Variants in ZCCHC4 observed in about 807,000 individuals in gnomAD.
ZCCHC4 encodes zinc finger CCHC-type containing 4.
ZCCHC4 carries 54 observed loss-of-function variants against 67.7 expected under a neutral mutation model. That is an observed-to-expected ratio of 0.80 (90% CI 0.64 to 1.00). The LOEUF is 1.00. ZCCHC4 is among the 50% of genes least tolerant of loss of function. The pLI is 0.00. For missense variants in ZCCHC4, 609 were observed against 617.0 expected (o/e 0.99, Z 0.14); for synonymous variants, 198 against 213.5 (o/e 0.93, Z 0.63).
intron 8 of ZCCHC4, among the ~76,000 whole-genome samples, chr4:25,356,192 T>G (rs1034229192): frequency 6.6e-6 from 1 of 152,150 alleles, no homozygotes; most frequent in Non-Finnish European, 1.5e-5. Context: ...ATGGGAGAAA[T>G]TTTCTATTTG....
At chr4:25,322,812 C>G (rs1560399025) in intron 3 of ZCCHC4, among the ~76,000 whole-genome samples, 1 of 152,182 alleles carries the variant, frequency 6.6e-6, no homozygotes, top group Non-Finnish European at 1.5e-5. Context: ...ACCGCTGCAC[C>G]TGGCCTGAAT....
rs527783826 is a variant in ZCCHC4, at chr4:25,337,618, A to G, written c.686+3630A>G. On this transcript the variant is annotated intron_variant, in intron 5 of 12. Coordinates refer to ENST00000302874, the MANE Select transcript of ZCCHC4 (RefSeq NM_024936.3). ...CACACAGAGTTGGTTCTCCACAGGA[A>G]ACAGGTGTTCGACTTAAAGAGTAGG... is the stretch of plus-strand genomic sequence containing the variant. Among the ~76,000 whole-genome samples, 199 of 152,302 alleles carry G rather than the reference A, an allele frequency of 1.3e-3. 2 individuals carry two copies. The highest frequency in any genetic ancestry group is 4.6e-3 in the African/African-American group (193 of 41,560).
intron 6 of ZCCHC4, among the ~76,000 whole-genome samples, chr4:25,347,457 C>T (rs2109079506): frequency 6.6e-6 from 1 of 152,270 alleles, no homozygotes; most frequent in South Asian, 2.1e-4. Flanking sequence ...AAGAGTCGTC[C>T]AGCTCAGGCT....
intron 6 of ZCCHC4, among the ~76,000 whole-genome samples, chr4:25,348,469 A>G (rs1169613558): frequency 6.6e-6 from 1 of 152,180 alleles, no homozygotes; most frequent in Non-Finnish European, 1.5e-5. Context: ...GGATTCAACC[A>G]ACTGGAGATC....
Position 25,333,215 on chromosome 4 carries a change from A to C in ZCCHC4, c.362A>C (p.Gln121Pro), listed in dbSNP as rs1359010200. The C allele has an allele frequency of 6.2e-7, 1 of 1,614,144 alleles. No homozygotes were observed. ...YLKFIELPLT[Q>P]RKFCQTCQQL... Reference sequence around the variant, plus strand: ...AAGTTTATTGAGTTGCCCTTGACTCAGAGAAAGTTTTGTCAAACATGTCAG... The same window carrying C: ...AAGTTTATTGAGTTGCCCTTGACTCCGAGAAAGTTTTGTCAAACATGTCAG... Residue 121 changes from glutamine (Q) to proline (P), a missense_variant, in exon 4 of 13, where the codon CAG becomes CCG. By Grantham distance (76) the Gln-to-Pro change is moderately conservative (BLOSUM62 -1). Coordinates refer to ENST00000302874, the MANE Select transcript of ZCCHC4 (RefSeq NM_024936.3).
intron 8 of ZCCHC4, among the ~76,000 whole-genome samples, chr4:25,360,183 G>A (rs899467674): frequency 2.0e-5 from 3 of 152,240 alleles, no homozygotes; most frequent in African/African-American, 7.2e-5. Flanking sequence ...CCATGGTCTT[G>A]TTAATGATAT....
chr4:25,361,960 TC>T lies in ZCCHC4; in HGVS notation c.1115del (p.Pro372LeufsTer18). 1 of 1,614,020 alleles carries T rather than the reference TC, an allele frequency of 6.2e-7. No individual in the cohort carries two copies. Among genetic ancestry groups the T allele is most frequent in the African/African-American group, 1.3e-5 (1 of 75,034 alleles). ...TNIPPNKIIL[P>X]TEEGYRFCSP... ...ACATTCCGCCCAACAAAATAATCCT[TC>T]CTACTGAAGAAGGGTACAGGTAAGA... On this transcript the variant is annotated frameshift_variant, in exon 9 of 13. Transcript: ENST00000302874. LOFTEE classifies it high-confidence loss of function.
intron 5 of ZCCHC4, among the ~76,000 whole-genome samples, chr4:25,342,234 G>A (rs1015061803): frequency 6.6e-6 from 1 of 152,096 alleles, no homozygotes; most frequent in African/African-American, 2.4e-5. Context: ...TGTGTGGTTG[G>A]TTCAGATTTC....
At chr4:25,350,721 C>T (rs951743088) in intron 7 of ZCCHC4, among the ~76,000 whole-genome samples, 3 of 152,096 alleles carry the variant, frequency 2.0e-5, no homozygotes, top group South Asian at 2.1e-4. Flanking sequence ...AAATATAAAA[C>T]GTGACTCATA....
chr4:25,327,668 T>A (rs1289915769), intron 3 of ZCCHC4, among the ~76,000 whole-genome samples: 1 of 152,092 alleles, frequency 6.6e-6, no homozygotes, highest in African/African-American at 2.4e-5. Flanking sequence ...TTTGAAGAGA[T>A]GAGGATCTTA....
At chr4:25,368,954 G>A (rs1721045717) in intron 12 of ZCCHC4, 75 bp from the exon 13 acceptor site, 1 of 1,492,666 alleles carries the variant, frequency 6.7e-7, no homozygotes, top group South Asian at 1.3e-5. Context: ...TGGTTAGCTA[G>A]TTAATTAAAC....
chr4:25,355,608 C>T (rs1276384391), intron 8 of ZCCHC4, among the ~76,000 whole-genome samples: 1 of 152,102 alleles, frequency 6.6e-6, no homozygotes, highest in Non-Finnish European at 1.5e-5. Context: ...TCAAAGCTAT[C>T]CTTTTTAAAC....
intron 3 of ZCCHC4, among the ~76,000 whole-genome samples, chr4:25,317,144 G>A (rs1197292171): frequency 6.6e-6 from 1 of 152,122 alleles, no homozygotes; most frequent in Non-Finnish European, 1.5e-5. Flanking sequence ...TGACAAATAG[G>A]TTTTTACTTT....
Position 25,324,309 on chromosome 4 carries a change from C to T in ZCCHC4, c.330-8874C>T, listed in dbSNP as rs548174816. On this transcript the variant is annotated intron_variant, in intron 3 of 12. Transcript: ENST00000302874. ...GGATTACAGGCATGAGCCACTGTGC[C>T]TGGCCAGTATGTACTGTTTTTTAAG... Among the ~76,000 whole-genome samples the T allele has an allele frequency of 2.0e-5, 3 of 152,128 alleles. No homozygotes were observed. The East Asian group carries it at 5.8e-4, about 29-fold the overall frequency.
chr4:25,348,928 T>G (rs1274757665), intron 6 of ZCCHC4, among the ~76,000 whole-genome samples: 1 of 152,254 alleles, frequency 6.6e-6, no homozygotes, highest in Non-Finnish European at 1.5e-5. Flanking sequence ...CATGGTTTCA[T>G]GGACCAGATG....
chr4:25,368,780 G>A (rs994274569), intron 12 of ZCCHC4, among the ~76,000 whole-genome samples: 8 of 152,178 alleles, frequency 5.3e-5, no homozygotes, highest in African/African-American at 1.7e-4. Flanking sequence ...GTTTGCCCCG[G>A]ACAGCTTGTT....
Position 25,312,950 on chromosome 4 carries a change from TG to T in ZCCHC4, c.127+17del. 1.9e-6 allele frequency: 3 copies of T among 1,610,700 alleles called. No individual in the cohort carries two copies. The highest frequency in any genetic ancestry group is 2.5e-6 in the Non-Finnish European group (3 of 1,179,726). ...TGTGCCCTCACGGTGGGTCAGAGTCTGGGCTCAGCCTAACTGCCGGGCGCTG... is the reference window on the plus strand; with the variant it reads ...TGTGCCCTCACGGTGGGTCAGAGTCTGGCTCAGCCTAACTGCCGGGCGCTG... On this transcript the variant is annotated intron_variant, in intron 1 of 12. Coordinates refer to ENST00000302874, the MANE Select transcript of ZCCHC4 (RefSeq NM_024936.3).
In ZCCHC4 at chr4:25,359,003, G is replaced by A. The variant is rs887239136; in HGVS notation, c.1012-2856G>A. Among the ~76,000 whole-genome samples, 4 of 152,158 alleles carry A rather than the reference G, an allele frequency of 2.6e-5. No homozygotes were observed. The highest frequency in any genetic ancestry group is 1.3e-4 in the Admixed American group (2 of 15,278). Reference sequence around the variant, plus strand: ...TTTGGGCTGAAACCTGACACTTGGCGTGACAATTGACATCACGAACAGGAT... The same window carrying A: ...TTTGGGCTGAAACCTGACACTTGGCATGACAATTGACATCACGAACAGGAT... On this transcript the variant is annotated intron_variant, in intron 8 of 12. Transcript: ENST00000302874. This position sits in a 1 kb window ranked among gnomAD's most constrained non-coding sequence, Gnocchi z 4.9.
intron 3 of ZCCHC4, among the ~76,000 whole-genome samples, chr4:25,319,596 G>A (rs764556579): frequency 6.6e-6 from 1 of 151,972 alleles, no homozygotes; most frequent in Non-Finnish European, 1.5e-5. Flanking sequence ...TGGAGCAAAC[G>A]GTTTGAAATC....
Sources: allele counts gnomAD v4.1 joint callset (sites outside exome capture counted in the v4.1 genomes callset), GRCh38; gene constraint gnomAD v4.1.1; non-coding constraint Gnocchi (gnomAD v3.1); transcripts MANE v1.5; gene names NCBI Gene and HGNC (gene_info 2026-07-23, HGNC 2026-07-21).